Variants in PDE3A observed in about 807,000 individuals in gnomAD.
PDE3A encodes the protein cGMP-inhibited 3',5'-cyclic phosphodiesterase 3A.
Under a neutral mutation model 98.3 loss-of-function variants are expected in PDE3A, and 43 were observed. That is an observed-to-expected ratio of 0.44 (90% CI 0.34 to 0.56). The LOEUF is 0.56. Ranked by LOEUF, PDE3A falls within the 20% of genes least tolerant of loss-of-function variation. The pLI, the probability that PDE3A is intolerant of heterozygous loss-of-function variation, is 0.01. For missense variants in PDE3A, 1,427 were observed against 1,440.7 expected (o/e 0.99, Z 0.15); for synonymous variants, 663 against 567.9 (o/e 1.17, Z -2.38).
intron 1 of PDE3A, among the ~76,000 whole-genome samples, chr12:20,472,577 A>G (rs1223910429): frequency 2.7e-5 from 2 of 73,466 alleles, no homozygotes; most frequent in Non-Finnish European, 5.1e-5. Context: ...GGTTTTATTA[A>G]TCTAAATGAC....
At chr12:20,631,912 G>T (rs957520120) in intron 6 of PDE3A, among the ~76,000 whole-genome samples, 1 of 146,518 alleles carries the variant, frequency 6.8e-6, no homozygotes, top group Non-Finnish European at 1.5e-5. Context: ...TAGGCACAGA[G>T]AGCTCCAGAA....
At chr12:20,424,522 A>T (rs1944573440) in intron 1 of PDE3A, among the ~76,000 whole-genome samples, 1 of 152,216 alleles carries the variant, frequency 6.6e-6, no homozygotes, top group Non-Finnish European at 1.5e-5. Flanking sequence ...TTTTTATTGC[A>T]AATTATTAAT....
intron 1 of PDE3A, among the ~76,000 whole-genome samples, chr12:20,480,535 A>AAC (rs1945604141): frequency 6.6e-6 from 1 of 152,180 alleles, no homozygotes; most frequent in Non-Finnish European, 1.5e-5. Flanking sequence ...GCATTTGCAA[A>AAC]ACACACACAC....
chr12:20,524,896 AG>A (rs1946487161), intron 1 of PDE3A, among the ~76,000 whole-genome samples: 1 of 152,078 alleles, frequency 6.6e-6, no homozygotes, highest in Non-Finnish European at 1.5e-5. Context: ...GCACTTTGGG[AG>A]ACTGAGGCGG....
intron 1 of PDE3A, among the ~76,000 whole-genome samples, chr12:20,436,231 G>T (rs1234279608): frequency 6.6e-6 from 1 of 151,960 alleles, no homozygotes; most frequent in Non-Finnish European, 1.5e-5. Flanking sequence ...CATTCCAAAA[G>T]ACTCTTTAGG....
At chr12:20,651,305 TA>T (rs1944910239) in intron 14 of PDE3A, among the ~76,000 whole-genome samples, 1 of 152,004 alleles carries the variant, frequency 6.6e-6, no homozygotes, top group East Asian at 1.9e-4. Context: ...GAACCACTCT[TA>T]AAAAGAATGT....
intron 2 of PDE3A, among the ~76,000 whole-genome samples, chr12:20,592,314 T>G (rs1943357464): frequency 6.6e-6 from 1 of 152,154 alleles, no homozygotes; most frequent in Admixed American, 6.5e-5. Flanking sequence ...AACAGAGAGA[T>G]TGACTCTAGA....
intron 1 of PDE3A, among the ~76,000 whole-genome samples, chr12:20,402,379 C>T (rs896492611): frequency 2.6e-5 from 4 of 152,140 alleles, no homozygotes; most frequent in African/African-American, 7.2e-5. Flanking sequence ...GAACTCCTGG[C>T]CTCAGGTGAT....
intron 1 of PDE3A, among the ~76,000 whole-genome samples, chr12:20,442,175 C>T (rs1198276775): frequency 1.3e-5 from 2 of 152,176 alleles, no homozygotes; most frequent in Non-Finnish European, 2.9e-5. Flanking sequence ...ATTGACACTA[C>T]CTATTCCATA....
chr12:20,370,391 TTTTTTTTTG>T (rs1183322844), intron 1 of PDE3A, 147 bp downstream of exon 1: 28 of 497,564 alleles, frequency 5.6e-5, no homozygotes, highest in East Asian at 4.4e-4. Flanking sequence ...ACTAGCAGGT[TTTTTTTTTG>T]TTTTTTTTGT....
chr12:20,605,770 GT>G (rs1232647304), intron 2 of PDE3A, among the ~76,000 whole-genome samples: 2 of 152,168 alleles, frequency 1.3e-5, no homozygotes, highest in African/African-American at 4.8e-5. Flanking sequence ...CAATTCTAAT[GT>G]TTCAGCATTT....
At chr12:20,631,798 C>T (rs1944385852) in intron 6 of PDE3A, among the ~76,000 whole-genome samples, 1 of 145,454 alleles carries the variant, frequency 6.9e-6, no homozygotes, top group Admixed American at 7.2e-5. Context: ...TCTACTTGTT[C>T]AGTAATGTTT....
chr12:20,493,127 T>C (rs10841554), intron 1 of PDE3A, among the ~76,000 whole-genome samples: 76,292 of 151,994 alleles, frequency 0.5, 21,362 homozygotes, highest in East Asian at 0.68. Flanking sequence ...CAAATATTGT[T>C]AATAGTATCA....
In PDE3A at chr12:20,686,723, A is replaced by G. The variant is rs1381902834; in HGVS notation, c.*6452A>G. ...TCTTCAATTATACTTCTCTTACTCA[A>G]TATTAGTAACCAAAAAATAAGCAGA... is the stretch of plus-strand genomic sequence containing the variant. On this transcript the variant is annotated 3_prime_UTR_variant, in exon 16 of 16. Transcript: ENST00000359062. Among the ~76,000 whole-genome samples, 1 of 152,144 alleles carries G rather than the reference A, an allele frequency of 6.6e-6. No individual in the cohort carries two copies. The highest frequency in any genetic ancestry group is 2.4e-5 in the African/African-American group (1 of 41,448).
intron 1 of PDE3A, among the ~76,000 whole-genome samples, chr12:20,519,589 A>G (rs1262707550): frequency 6.6e-6 from 1 of 152,242 alleles, no homozygotes; most frequent in Non-Finnish European, 1.5e-5. Flanking sequence ...TAATTTAAGT[A>G]TTTAATACGA....
intron 15 of PDE3A, among the ~76,000 whole-genome samples, chr12:20,663,626 T>A (rs1444793069): frequency 6.6e-6 from 1 of 152,192 alleles, no homozygotes; most frequent in Non-Finnish European, 1.5e-5. Flanking sequence ...GTGTAGCCCC[T>A]TTGTTTTGGC....
At chr12:20,434,239 A>G (rs1003660227) in intron 1 of PDE3A, among the ~76,000 whole-genome samples, 4 of 151,436 alleles carry the variant, frequency 2.6e-5, no homozygotes, top group Non-Finnish European at 4.4e-5. Flanking sequence ...GTTTTTGCTC[A>G]TGACTACTGA....
Position 20,653,969 on chromosome 12 carries a change from G to T in PDE3A, c.2948G>T (p.Gly983Val), listed in dbSNP as rs1157949558. ...TAGGGTGATGAAGAGGCCAGCCTTG[G>T]ATTACCCATAAGCCCCTTCATGGAT... ...YEQGDEEASLGLPISPFMDRS... is the reference protein window; with the variant it reads ...YEQGDEEASLVLPISPFMDRS... Residue 983 changes from glycine (G) to valine (V), a missense_variant, in exon 15 of 16, where the codon GGA (glycine) becomes GTA (valine). Around this residue, in one of 3 missense-constraint regions of PDE3A, gnomAD observed 273 missense variants for 420.3 expected, o/e 0.65. Transcript: ENST00000359062. The T allele has an allele frequency of 6.2e-7, 1 of 1,614,084 alleles. No homozygotes were observed. The highest frequency in any genetic ancestry group is 1.7e-5 in the Admixed American group (1 of 60,010).
At chr12:20,661,079 G>A (rs1214635232) in intron 15 of PDE3A, among the ~76,000 whole-genome samples, 1 of 152,184 alleles carries the variant, frequency 6.6e-6, no homozygotes, top group African/African-American at 2.4e-5. Flanking sequence ...CCAGGCTGAG[G>A]TGGTCTCAGA....
Sources: gnomAD v4.1 joint callset for allele counts (sites outside exome capture counted in the v4.1 genomes callset) on GRCh38, gnomAD v4.1.1 for gene constraint, gnomAD v4.1.1 regional missense constraint, MANE v1.5 for transcripts, NCBI Gene and HGNC (gene_info 2026-07-23, HGNC 2026-07-21) for gene names.